The following FNTA variants were observed in gnomAD, a reference collection of about 807,000 sequenced individuals.
The protein encoded by FNTA is farnesyltransferase, CAAX box, subunit alpha.
A neutral mutation model predicts 55.2 loss-of-function variants in FNTA; 27 were observed. That is an observed-to-expected ratio of 0.49 (90% CI 0.36 to 0.67). The LOEUF is 0.67. Ranked by LOEUF, FNTA falls within the 30% of genes least tolerant of loss-of-function variation. The probability of loss-of-function intolerance (pLI) is 0.00; values close to 1 mark genes in which losing one functional copy is unlikely to be tolerated. For missense variants in FNTA, 422 were observed against 464.7 expected (o/e 0.91, Z 0.85); for synonymous variants, 176 against 170.7 (o/e 1.03, Z -0.24).
intron 6 of FNTA, chr8:43,081,380 C>T (rs1811023980): frequency 6.6e-6 from 1 of 152,158 alleles, no homozygotes; most frequent in African/African-American, 2.4e-5. Flanking sequence ...GCATAGTCTT[C>T]TAGTACTACC....
rs748343036 is a variant in FNTA at position 43,077,280 on chromosome 8, A to G, written c.698A>G (p.Asn233Ser). 1.2e-6 allele frequency: 2 copies of G among 1,612,380 alleles called. No homozygotes were observed. Among genetic ancestry groups the G allele is most frequent in the South Asian group, 1.1e-5 (1 of 90,848 alleles). The stretch of plus-strand genomic sequence containing the variant: ...CAACTTCTGAAAGAGGATGTGAGAA[A>G]TAACTCTGTCTGGAACCAAAGATAC... ...VDQLLKEDVR[N>S]NSVWNQRYFV... The change falls in exon 6 of 9, where the codon AAT (asparagine) becomes AGT (serine). Residue 233 changes from asparagine (N) to serine (S), a missense_variant. This residue lies in a region of FNTA where 262 missense variants were observed against 343.1 expected (regional missense o/e 0.76). Transcript: ENST00000302279.
rs1051393709 is a variant in FNTA at position 43,056,382 on chromosome 8, A to G, written c.36A>G (p.Gln12=). The stretch of plus-strand genomic sequence containing the variant: ...CCGAGGGGGTCGGGGAGGCTGCGCA[A>G]GGGGGCGAGCCCGGGCAGCCGGCGC... ...AATEGVGEAA[Q]GGEPGQPAQP... The change falls in exon 1 of 9, where the codon CAA becomes CAG. Residue 12 remains glutamine, a synonymous_variant. Transcript: ENST00000302279. 14 of 1,477,828 alleles carry G rather than the reference A, an allele frequency of 9.5e-6. No individual in the cohort carries two copies. The African/African-American group carries it at 1.6e-4, about 17-fold the overall frequency. 91.5% of individuals were successfully genotyped at this position (1,477,828 alleles called of 1,614,324 possible).
chr8:43,072,400 C>G (rs1255339830), intron 5 of FNTA, 93 bp downstream of exon 5: 6 of 888,324 alleles, frequency 6.8e-6, no homozygotes, highest in Non-Finnish European at 9.6e-6. Flanking sequence ...CCAAAACACA[C>G]ACATACGTAG....
At chr8:43,081,508 T>C (rs1811026977) in intron 6 of FNTA, 1 of 152,172 alleles carries the variant, frequency 6.6e-6, no homozygotes, top group Non-Finnish European at 1.5e-5. Context: ...AGCACATAAT[T>C]TATGGGACCA....
chr8:43,081,720 A>G (rs1811030715), intron 6 of FNTA: 1 of 152,250 alleles, frequency 6.6e-6, no homozygotes, highest in African/African-American at 2.4e-5. Context: ...GTGCCACTGC[A>G]TCCAGCTAAT....
chr8:43,057,063 G>GT (rs1389093446), intron 1 of FNTA: 1 of 152,122 alleles, frequency 6.6e-6, no homozygotes, highest in Non-Finnish European at 1.5e-5. Context: ...TTAGCGCCTC[G>GT]TATCAGCCAG....
chr8:43,083,421 A>G (rs928568394), intron 7 of FNTA, among the ~76,000 whole-genome samples: 6 of 152,164 alleles, frequency 3.9e-5, no homozygotes, highest in African/African-American at 1.4e-4. Context: ...TGCCATTTTA[A>G]TTGTATTTAA....
intron 1 of FNTA, 62 bp from the exon 2 acceptor site, chr8:43,059,030 A>AC: frequency 8.4e-7 from 1 of 1,195,168 alleles, no homozygotes; most frequent in Non-Finnish European, 1.2e-6. Flanking sequence ...TTTTAAAAAC[A>AC]CTAGAGTCCC....
intron 3 of FNTA, among the ~76,000 whole-genome samples, chr8:43,065,650 G>C (rs781351796): frequency 3.3e-4 from 50 of 151,298 alleles, no homozygotes; most frequent in Non-Finnish European, 5.0e-4. Context: ...TGCTATATGT[G>C]AAGTATCATT....
chr8:43,062,994 CG>C (rs1293618103), intron 2 of FNTA, among the ~76,000 whole-genome samples: 1 of 151,982 alleles, frequency 6.6e-6, no homozygotes, highest in African/African-American at 2.4e-5. Flanking sequence ...TGTTACCCAG[CG>C]TGGTCTCAAA....
intron 6 of FNTA, 27 bp downstream of exon 6, chr8:43,077,391 T>C (rs1467138103): frequency 3.8e-6 from 6 of 1,583,192 alleles, no homozygotes; most frequent in East Asian, 4.5e-5. Context: ...ACTTGCTCAT[T>C]CGTTACAAAC....
intron 4 of FNTA, chr8:43,070,069 C>T (rs545602511): frequency 6.6e-6 from 1 of 151,986 alleles, no homozygotes; most frequent in Non-Finnish European, 1.5e-5. Flanking sequence ...GCCTGGCCAA[C>T]ATGGTGAATC....
rs752528362 is a variant in FNTA, at chr8:43,077,335, T to C, written c.753T>C (p.Asn251=). 6.8e-6 allele frequency: 11 copies of C among 1,612,890 alleles called. No individual in the cohort carries two copies. The highest frequency in any genetic ancestry group is 9.3e-6 in the Non-Finnish European group (11 of 1,179,380). Residue 251 remains asparagine, a synonymous_variant, in exon 6 of 9, where the codon AAT becomes AAC. Transcript: ENST00000302279. Reference sequence around the variant, plus strand: ...TTATTTCTAACACCACTGGCTACAATGATCGTGCTGTATTGGAGAGAGAAG... The same window carrying C: ...TTATTTCTAACACCACTGGCTACAACGATCGTGCTGTATTGGAGAGAGAAG... ...YFVISNTTGY[N]DRAVLEREVQ... is the part of the protein sequence containing the mutation.
intron 6 of FNTA, chr8:43,078,224 T>C (rs898708855): frequency 6.6e-6 from 1 of 152,272 alleles, no homozygotes; most frequent in Non-Finnish European, 1.5e-5. Flanking sequence ...TGGGCTTTTG[T>C]CTGGAGCGTG....
intron 5 of FNTA, among the ~76,000 whole-genome samples, chr8:43,073,074 T>C (rs1044424933): frequency 1.1e-4 from 16 of 152,230 alleles, no homozygotes; most frequent in Non-Finnish European, 1.8e-4. Context: ...TAAACAGTTC[T>C]AGTATTGTTT....
At chr8:43,074,490 A>T (rs937126531) in intron 5 of FNTA, among the ~76,000 whole-genome samples, 1 of 152,202 alleles carries the variant, frequency 6.6e-6, no homozygotes, top group Non-Finnish European at 1.5e-5. Context: ...ACGCCACCAC[A>T]GTCCATCCTG....
At chr8:43,082,946 T>G (rs1811053810) in intron 6 of FNTA, 172 bp from the exon 7 acceptor site, 1 of 401,000 alleles carries the variant, frequency 2.5e-6, no homozygotes, top group African/African-American at 2.2e-5. Flanking sequence ...CTCGGGAGGC[T>G]GAGGCAGGAG....
At chr8:43,065,858 A>G (rs1417810276) in intron 3 of FNTA, among the ~76,000 whole-genome samples, 1 of 151,544 alleles carries the variant, frequency 6.6e-6, no homozygotes, top group Non-Finnish European at 1.5e-5. Flanking sequence ...TGGGATTTAT[A>G]CAATTAAAAA....
At chr8:43,062,575 C>T (rs1261758767) in intron 2 of FNTA, among the ~76,000 whole-genome samples, 1 of 152,176 alleles carries the variant, frequency 6.6e-6, no homozygotes, top group Non-Finnish European at 1.5e-5. Flanking sequence ...AGCCACTGCT[C>T]AAATTCAACT....
Sources: allele counts gnomAD v4.1 joint callset (sites outside exome capture counted in the v4.1 genomes callset), GRCh38; gene constraint gnomAD v4.1.1; regional missense constraint gnomAD v4.1.1; transcripts MANE v1.5; gene names NCBI Gene and HGNC (gene_info 2026-07-23, HGNC 2026-07-21).